Variants in PNPT1 observed in about 807,000 individuals in gnomAD.
PNPT1 encodes the protein polyribonucleotide nucleotidyltransferase 1, also known as polyribonucleotide nucleotidyltransferase 1, mitochondrial.
Under a neutral mutation model 119.5 loss-of-function variants are expected in PNPT1, and 53 were observed. The observed-to-expected ratio is 0.44, with a 90% CI of 0.36 to 0.56. The LOEUF (loss-of-function observed/expected upper bound fraction) is 0.56. PNPT1 is among the 20% of genes least tolerant of loss of function. The pLI, the probability that PNPT1 is intolerant of heterozygous loss-of-function variation, is 0.00. For synonymous variants in PNPT1, 357 were observed against 322.1 expected (o/e 1.11, Z -1.16); for missense variants, 948 against 938.5 (o/e 1.01, Z -0.13).
chr2:55,660,362 A>G (rs572289611), intron 14 of PNPT1, among the ~76,000 whole-genome samples, 169 bp from the exon 15 acceptor site: 4 of 152,354 alleles, frequency 2.6e-5, no homozygotes, highest in African/African-American at 7.2e-5. Context: ...TTGTGAGATG[A>G]TATTTTCTTC....
chr2:55,674,550 G>A (rs1032719168), intron 8 of PNPT1, among the ~76,000 whole-genome samples: 4 of 152,088 alleles, frequency 2.6e-5, no homozygotes, highest in Non-Finnish European at 4.4e-5. Flanking sequence ...CTGAGATCAC[G>A]CCACTGCACT....
At position 55,636,342 on chromosome 2, in the gene PNPT1, T is replaced by C. The variant is rs750313267; in HGVS notation, c.2247A>G (p.Arg749=). The C allele has an allele frequency of 8.7e-6, 14 of 1,614,052 alleles. No individual in the cohort carries two copies. Among genetic ancestry groups the C allele is most frequent in the South Asian group, 1.1e-5 (1 of 91,072 alleles). The change falls in exon 28 of 28, where the codon CGA becomes CGG. Residue 749 remains arginine, a synonymous_variant. Transcript: ENST00000447944. ...TTGTAGCTGGCGACTGAAGCACTTT[T>C]CGAGAAAGCCTCATTCTTCCATCGG... The part of the protein sequence containing the change: ...DPADGRMRLS[R]KVLQSPATTV...
chr2:55,680,109 C>A (rs1186871081), intron 7 of PNPT1, among the ~76,000 whole-genome samples: 2 of 152,212 alleles, frequency 1.3e-5, no homozygotes, highest in Non-Finnish European at 2.9e-5. Flanking sequence ...GTTCAGCTTA[C>A]ACAAATGACT....
chr2:55,661,878 T>G (rs1223407536), intron 14 of PNPT1, 78 bp downstream of exon 14: 1 of 1,278,296 alleles, frequency 7.8e-7, no homozygotes, highest in African/African-American at 1.6e-5. Flanking sequence ...TAACAATAAT[T>G]AATAATATAC....
At chr2:55,682,487 C>T (rs1025527296) in intron 5 of PNPT1, among the ~76,000 whole-genome samples, 1 of 151,926 alleles carries the variant, frequency 6.6e-6, no homozygotes, top group East Asian at 1.9e-4. Context: ...TGTTTATAAG[C>T]ATAGATGAAA....
At chr2:55,650,803 C>T (rs1696156223) in intron 18 of PNPT1, among the ~76,000 whole-genome samples, 1 of 150,808 alleles carries the variant, frequency 6.6e-6, no homozygotes, top group Admixed American at 6.6e-5. Flanking sequence ...GCCGCGCCGT[C>T]TGAGAAGTGA....
intron 11 of PNPT1, among the ~76,000 whole-genome samples, chr2:55,670,493 G>T (rs1416330357): frequency 2.0e-5 from 3 of 152,132 alleles, no homozygotes; most frequent in African/African-American, 7.2e-5. Flanking sequence ...GCCAGAGGTT[G>T]ATATTATACA....
intron 3 of PNPT1, 114 bp downstream of exon 3, chr2:55,686,256 T>A: frequency 1.1e-6 from 1 of 894,680 alleles, no homozygotes; most frequent in South Asian, 1.9e-5. Context: ...CTAGGAAAAA[T>A]TCTTTGTTGT....
chr2:55,674,000 G>T (rs1220811333), intron 8 of PNPT1, among the ~76,000 whole-genome samples: 1 of 152,152 alleles, frequency 6.6e-6, no homozygotes, highest in African/African-American at 2.4e-5. Context: ...TGGGATTACA[G>T]GCGTGAGCCA....
intron 13 of PNPT1, among the ~76,000 whole-genome samples, chr2:55,663,796 G>A (rs539846548): frequency 6.6e-6 from 1 of 152,088 alleles, no homozygotes; most frequent in East Asian, 1.9e-4. Context: ...GGCTAACATG[G>A]TGAAACCCCG....
chr2:55,651,217 G>C (rs1206957896), intron 18 of PNPT1, among the ~76,000 whole-genome samples: 1 of 147,846 alleles, frequency 6.8e-6, no homozygotes, highest in African/African-American at 2.5e-5. Context: ...CTGCCCGGCC[G>C]CCCCTACTGG....
chr2:55,683,874 G>C (rs758671793), intron 4 of PNPT1, 40 bp from the exon 5 acceptor site: 20 of 1,594,904 alleles, frequency 1.3e-5, no homozygotes, highest in Admixed American at 1.7e-5. Flanking sequence ...CGTACTGACA[G>C]AGTTGCTTTA....
intron 2 of PNPT1, 86 bp downstream of exon 2, chr2:55,687,556 TAAG>T (rs888941993): frequency 2.2e-6 from 2 of 929,212 alleles, no homozygotes; most frequent in Non-Finnish European, 3.2e-6. Flanking sequence ...ACCAAAATTC[TAAG>T]TAGTTACACG....
In PNPT1 at chr2:55,635,141, T is replaced by C. The variant is rs1432122740; in HGVS notation, c.*1096A>G. 1 of 152,202 alleles carries C rather than the reference T, an allele frequency of 6.6e-6. No homozygotes were observed. The highest frequency in any genetic ancestry group is 6.5e-5 in the Admixed American group (1 of 15,288). 9.4% of individuals were successfully genotyped at this position (152,202 alleles called of 1,614,324 possible). A position where few individuals can be genotyped will look rare whatever the true frequency, so the allele number is the denominator to read the frequency against. On this transcript the variant is annotated 3_prime_UTR_variant, in exon 28 of 28. Transcript: ENST00000447944. ...ACTTTTCTGTGGAATTATAAGGTGATATTTTAAATGATGGGAATGAACAAC... is the reference window on the plus strand; with the variant it reads ...ACTTTTCTGTGGAATTATAAGGTGACATTTTAAATGATGGGAATGAACAAC...
rs1696034783 is a variant in PNPT1, at chr2:55,647,340, T to C, written c.1602+7A>G. On this transcript the variant is annotated splice_region_variant and intron_variant, in intron 19 of 27. Coordinates refer to ENST00000447944, the MANE Select transcript of PNPT1 (RefSeq NM_033109.5). ...TATTAAATATTTGAAACCGAGAATATACTTGCCAAAATATCTGTCAGCAAA... is the reference window on the plus strand; with the variant it reads ...TATTAAATATTTGAAACCGAGAATACACTTGCCAAAATATCTGTCAGCAAA... The C allele has an allele frequency of 3.1e-6, 5 of 1,590,524 alleles. No individual in the cohort carries two copies. The highest frequency in any genetic ancestry group is 2.2e-5 in the East Asian group (1 of 44,598).
intron 18 of PNPT1, among the ~76,000 whole-genome samples, chr2:55,647,904 C>A (rs1470273538): frequency 6.6e-6 from 1 of 152,312 alleles, no homozygotes; most frequent in African/African-American, 2.4e-5. Context: ...AAGAGGTCAT[C>A]TGACTACTTC....
chr2:55,682,725 T>C (rs781663844), intron 5 of PNPT1, among the ~76,000 whole-genome samples: 14 of 151,972 alleles, frequency 9.2e-5, no homozygotes, highest in Non-Finnish European at 1.8e-4. Flanking sequence ...CTGGCTTACA[T>C]AGTGAAACCC....
At chr2:55,638,917 G>C (rs957943514) in intron 26 of PNPT1, among the ~76,000 whole-genome samples, 1 of 151,962 alleles carries the variant, frequency 6.6e-6, no homozygotes, top group Non-Finnish European at 1.5e-5. Flanking sequence ...TGGGATTACA[G>C]GTGCACGCCA....
chr2:55,667,323 G>A (rs779861905), intron 12 of PNPT1, among the ~76,000 whole-genome samples: 2 of 152,142 alleles, frequency 1.3e-5, no homozygotes, highest in Non-Finnish European at 2.9e-5. Context: ...GGCCGGGCGC[G>A]GTGGCTCATG....
Sources: gnomAD v4.1 joint callset for allele counts (sites outside exome capture counted in the v4.1 genomes callset) on GRCh38, gnomAD v4.1.1 for gene constraint, MANE v1.5 for transcripts, NCBI Gene and HGNC (gene_info 2026-07-23, HGNC 2026-07-21) for gene names.